Variants in GATAD2A observed in about 807,000 individuals in gnomAD.
The protein encoded by GATAD2A is transcriptional repressor p66-alpha.
GATAD2A carries 12 observed loss-of-function variants against 68.5 expected under a neutral mutation model. The ratio of observed to expected loss-of-function variants is 0.18; its 90% CI spans 0.11 to 0.28. The LOEUF is 0.28. Among genes scored for constraint, GATAD2A ranks in the 10% least tolerant of loss-of-function variants. The pLI is 1.00. For missense variants in GATAD2A, 755 were observed against 868.5 expected, an observed-to-expected ratio of 0.87 and a Z score of 1.64; for synonymous variants, 410 against 375.3, an observed-to-expected ratio of 1.09 and a Z score of -1.07.
chr19:19,496,089 C>T lies in GATAD2A; in HGVS notation c.794C>T (p.Pro265Leu). The T allele has an allele frequency of 6.2e-7, 1 of 1,613,818 alleles. No individual in the cohort carries two copies. The highest frequency in any genetic ancestry group is 1.3e-5 in the African/African-American group (1 of 75,034). Residue 265 changes from proline to leucine, a missense_variant, in exon 7 of 12, where the codon CCA becomes CTA. Physicochemically the swap from Pro to Leu is moderately conservative, Grantham distance 98 (BLOSUM62 -3). Coordinates refer to ENST00000683918, the MANE Select transcript of GATAD2A (RefSeq NM_001384528.1). ...ATTAGGCAACATTCCAGCACAGGGCCACCGCCCCTCCTCCTGGCCCCCCGG... is the reference window on the plus strand; with the variant it reads ...ATTAGGCAACATTCCAGCACAGGGCTACCGCCCCTCCTCCTGGCCCCCCGG... ...HSIRQHSSTG[P>L]PPLLLAPRAS...
intron 1 of GATAD2A, among the ~76,000 whole-genome samples, chr19:19,426,177 G>A (rs1040000827): frequency 2.0e-5 from 3 of 152,146 alleles, no homozygotes; most frequent in Admixed American, 2.0e-4. Flanking sequence ...TCTAGAGTTA[G>A]ATGTGATGGG....
intron 1 of GATAD2A, among the ~76,000 whole-genome samples, chr19:19,447,790 G>A (rs781529257): frequency 2.0e-5 from 3 of 152,244 alleles, no homozygotes; most frequent in South Asian, 2.1e-4. Context: ...GCGTCACCAC[G>A]TTGCTGGGTG....
chr19:19,401,414 C>T (rs542701542), upstream of GATAD2A, among the ~76,000 whole-genome samples: 6 of 151,868 alleles, frequency 4.0e-5, no homozygotes, highest in Non-Finnish European at 5.9e-5. Context: ...AGGGTTTCAC[C>T]GTGTTAGCCA....
Position 19,454,613 on chromosome 19 carries a change from T to A in GATAD2A, c.-6-10727T>A, listed in dbSNP as rs563822705. 2.2e-3 allele frequency among the ~76,000 whole-genome samples: 334 copies of A among 149,670 alleles called. 1 individual carries two copies. The highest frequency in any genetic ancestry group is 3.6e-3 in the Non-Finnish European group (243 of 67,384). On this transcript the variant is annotated intron_variant, in intron 1 of 11. Coordinates refer to ENST00000683918, the MANE Select transcript of GATAD2A (RefSeq NM_001384528.1). ...ACCCTGTCTCAAAAAAAAAAAAAAA[T>A]TTATTGGAGACGAAGTCTCCCTTTG...
At chr19:19,465,208 CGTTT>C in intron 1 of GATAD2A, 128 bp from the exon 2 acceptor site, 1 of 713,318 alleles carries the variant, frequency 1.4e-6, no homozygotes, top group Non-Finnish European at 2.5e-6. Context: ...CTGGGCCCTG[CGTTT>C]GTTGTACATT....
At chr19:19,423,704 A>G (rs2147301655) in intron 1 of GATAD2A, among the ~76,000 whole-genome samples, 1 of 152,330 alleles carries the variant, frequency 6.6e-6, no homozygotes, top group Non-Finnish European at 1.5e-5. Context: ...GATTTCTAGA[A>G]TTCTTTGTTG....
At position 19,475,984 on chromosome 19, in the gene GATAD2A, AAG is replaced by A. The variant is rs552505160; in HGVS notation, c.269+10373_269+10374del. Among the ~76,000 whole-genome samples, 26 of 152,292 alleles carry A rather than the reference AAG, an allele frequency of 1.7e-4. No homozygotes were observed. The South Asian group carries it at 3.5e-3, about 21-fold the overall frequency. On this transcript the variant is annotated intron_variant, in intron 2 of 11. Transcript: ENST00000683918. The stretch of plus-strand genomic sequence containing the variant: ...CATGAGCCGGCCCGGTGCCAGGTAA[AAG>A]AGCATCACTGCTGGTCTTCCTGAAC...
In GATAD2A at chr19:19,426,095, A is replaced by T. The variant is rs185564768; in HGVS notation, c.-7+20076A>T. Among the ~76,000 whole-genome samples the T allele has an allele frequency of 8.8e-4, 134 of 152,056 alleles. 1 individual carries two copies. Among genetic ancestry groups the T allele is most frequent in the African/African-American group, 3.0e-3 (126 of 41,482 alleles). ...GAACCACTGCACCTGGCCCCTGCAG[A>T]CATAGTGGTTTTCTTTTTAATGATG... is the stretch of plus-strand genomic sequence containing the variant. On this transcript the variant is annotated intron_variant, in intron 1 of 11. Coordinates refer to ENST00000683918, the MANE Select transcript of GATAD2A (RefSeq NM_001384528.1).
rs929210364 is a variant in GATAD2A, at chr19:19,506,176, G to A, written c.*702G>A. 11 of 398,572 alleles carry A rather than the reference G, an allele frequency of 2.8e-5. No individual in the cohort carries two copies. In the South Asian group the frequency reaches 1.1e-3, roughly 41 times the overall value. The allele number at this position is 398,572 out of a possible 1,614,324, so 24.7% of individuals were successfully genotyped here. A position where few individuals can be genotyped will look rare whatever the true frequency, so the allele number is the denominator to read the frequency against. ...TGCAGGGATGGCCGAGGCAGCCCTC[G>A]CTCCAGCTGAACGCCTCCATTGCTG... is the stretch of plus-strand genomic sequence containing the variant. On this transcript the variant is annotated 3_prime_UTR_variant, in exon 12 of 12. Transcript: ENST00000683918.
At chr19:19,468,176 G>A (rs967630209) in intron 2 of GATAD2A, among the ~76,000 whole-genome samples, 2 of 152,248 alleles carry the variant, frequency 1.3e-5, no homozygotes, top group Non-Finnish European at 1.5e-5. Context: ...TTGGCCTGGA[G>A]CTATTCCTAT....
At chr19:19,411,912 A>G (rs1416043417) in intron 1 of GATAD2A, among the ~76,000 whole-genome samples, 3 of 152,144 alleles carry the variant, frequency 2.0e-5, no homozygotes, top group African/African-American at 7.2e-5. Context: ...TTATAACAGA[A>G]TCCTACTGCA....
chr19:19,406,651 G>T (rs2050308845), intron 1 of GATAD2A, among the ~76,000 whole-genome samples: 1 of 152,224 alleles, frequency 6.6e-6, no homozygotes, highest in African/African-American at 2.4e-5. Context: ...CTAGGCGGTG[G>T]CTCCATTGAT....
At chr19:19,416,993 C>G (rs1300811585) in intron 1 of GATAD2A, among the ~76,000 whole-genome samples, 1 of 152,128 alleles carries the variant, frequency 6.6e-6, no homozygotes, top group Non-Finnish European at 1.5e-5. Context: ...AACTTCTGAC[C>G]TCTGGTAATC....
chr19:19,507,267 AATC>A lies in GATAD2A; in HGVS notation c.*1795_*1797del, dbSNP rs1158179583. Reference sequence around the variant, plus strand: ...TTTTTACACCAAAAAAAAAAAAAAAAATCAAGAGTATGCAAGCATTTCTATTCC... The same window carrying A: ...TTTTTACACCAAAAAAAAAAAAAAAAAAGAGTATGCAAGCATTTCTATTCC... On this transcript the variant is annotated 3_prime_UTR_variant, in exon 12 of 12. Transcript: ENST00000683918. 1 of 151,574 alleles carries A rather than the reference AATC, an allele frequency of 6.6e-6. No individual in the cohort carries two copies. The highest frequency in any genetic ancestry group is 1.5e-5 in the Non-Finnish European group (1 of 67,866). 9.4% of individuals were successfully genotyped at this position (151,574 alleles called of 1,614,324 possible). A position where few individuals can be genotyped will look rare whatever the true frequency, so the allele number is the denominator to read the frequency against.
chr19:19,446,207 G>T (rs1010808766), intron 1 of GATAD2A, among the ~76,000 whole-genome samples: 8 of 152,148 alleles, frequency 5.3e-5, no homozygotes, highest in East Asian at 1.9e-4. Context: ...TGGCTTTTTT[G>T]ATTGTAGCCA....
intron 1 of GATAD2A, among the ~76,000 whole-genome samples, chr19:19,407,931 G>C (rs1436470000): frequency 1.3e-5 from 2 of 152,176 alleles, no homozygotes; most frequent in Non-Finnish European, 2.9e-5. Flanking sequence ...TTCCGAAGCT[G>C]GTTTTTATGA....
chr19:19,432,341 G>T (rs557471534), intron 1 of GATAD2A, among the ~76,000 whole-genome samples: 21 of 152,064 alleles, frequency 1.4e-4, no homozygotes, highest in Middle Eastern at 3.4e-3. Context: ...TGCTCTTGTT[G>T]CCCAGGCTGG....
intron 2 of GATAD2A, among the ~76,000 whole-genome samples, chr19:19,488,070 C>T (rs1265417661): frequency 6.6e-6 from 1 of 152,186 alleles, no homozygotes; most frequent in Non-Finnish European, 1.5e-5. Context: ...CTAGTGTGTG[C>T]AAGACTTGGG....
chr19:19,443,150 T>C (rs1379811327), intron 1 of GATAD2A, among the ~76,000 whole-genome samples: 1 of 152,182 alleles, frequency 6.6e-6, no homozygotes, highest in African/African-American at 2.4e-5. Context: ...CAAATTAATA[T>C]GAAATGACAG....
Sources: gnomAD v4.1 joint callset for allele counts (sites outside exome capture counted in the v4.1 genomes callset) on GRCh38, gnomAD v4.1.1 for gene constraint, MANE v1.5 for transcripts, NCBI Gene and HGNC (gene_info 2026-07-23, HGNC 2026-07-21) for gene names.